The following PHACTR2 variants were observed in gnomAD, a reference collection of about 807,000 sequenced individuals.
The protein encoded by PHACTR2 is phosphatase and actin regulator 2.
A neutral mutation model predicts 76.0 loss-of-function variants in PHACTR2; 30 were observed. The ratio of observed to expected loss-of-function variants is 0.39; its 90% CI spans 0.30 to 0.54. The LOEUF (loss-of-function observed/expected upper bound fraction) is 0.54, where lower values mean the gene tolerates loss of function less well. Ranked by LOEUF, PHACTR2 falls within the 20% of genes least tolerant of loss-of-function variation. The pLI is 0.61. For synonymous variants in PHACTR2, 292 were observed against 292.5 expected (o/e 1.00, Z 0.02); for missense variants, 696 against 781.1 (o/e 0.89, Z 1.30).
At chr6:143,631,110 T>C (rs1427854147) in intron 1 of PHACTR2, among the ~76,000 whole-genome samples, 1 of 152,240 alleles carries the variant, frequency 6.6e-6, no homozygotes, top group African/African-American at 2.4e-5. Flanking sequence ...AGGAGTTTTA[T>C]GTAGTATCTA....
At position 143,831,045 on chromosome 6, in the gene PHACTR2, TTCCAGTATTTTTTTTAACTTGCTA is replaced by T. The variant is rs1331743841; in HGVS notation, c.*7359_*7382del. The T allele has an allele frequency of 6.6e-6, 1 of 152,210 alleles. No homozygotes were observed. Among genetic ancestry groups the T allele is most frequent in the African/African-American group, 2.4e-5 (1 of 41,456 alleles). The allele number at this position is 152,210 out of a possible 1,614,324, so 9.4% of individuals were successfully genotyped here. A position where few individuals can be genotyped will look rare whatever the true frequency, so the allele number is the denominator to read the frequency against. On this transcript the variant is annotated 3_prime_UTR_variant, in exon 13 of 13. Coordinates refer to ENST00000440869, the MANE Select transcript of PHACTR2 (RefSeq NM_001100164.2). The surrounding 1 kb of genome is among the most constrained non-coding windows in gnomAD (Gnocchi z 5.2). ...AAGAATTACTGCTCTTAAAAGAAACTTCCAGTATTTTTTTTAACTTGCTATCTTTTTATGTCTGAGGTATTTGAT... is the reference window on the plus strand; with the variant it reads ...AAGAATTACTGCTCTTAAAAGAAACTTCTTTTTATGTCTGAGGTATTTGAT...
In PHACTR2 at chr6:143,626,536, C is replaced by CAA. The variant is rs35107482; in HGVS notation, c.13+18228_13+18229dup. On this transcript the variant is annotated intron_variant, in intron 1 of 11. Transcript: ENST00000305766. Reference sequence around the variant, plus strand: ...TGGGCAGCAGAGCGAGACTCCGTCTCAAAAAAAAAAAAAAATTAGCACAAA... The same window carrying CAA: ...TGGGCAGCAGAGCGAGACTCCGTCTCAAAAAAAAAAAAAAAAATTAGCACAAA... Among the ~76,000 whole-genome samples the CAA allele has an allele frequency of 2.0e-4, 25 of 122,300 alleles. 3 individuals carry two copies. The highest frequency in any genetic ancestry group is 4.2e-4 in the Admixed American group (5 of 11,892). 80.2% of individuals were successfully genotyped at this position (122,300 alleles called of 152,430 possible).
chr6:143,572,725 G>A (rs1423781838), intron 1 of PHACTR2, among the ~76,000 whole-genome samples: 5 of 152,100 alleles, frequency 3.3e-5, no homozygotes, highest in Non-Finnish European at 7.4e-5. Context: ...GCTAATTTTT[G>A]TATTTTTGGT....
At chr6:143,588,012 C>CTAAAATAAAATAAAATAAAA (rs56155115) in intron 1 of PHACTR2, among the ~76,000 whole-genome samples, 17,880 of 137,460 alleles carry the variant, frequency 0.13, 1,630 homozygotes, top group Non-Finnish European at 0.18. Context: ...AACTCTGTCT[C>CTAAAATAAAATAAAATAAAA]TAAAATAAAA....
rs1562268822 is a variant in PHACTR2 at position 143,683,791 on chromosome 6, G to T, written c.46+5582G>T. On this transcript the variant is annotated intron_variant, in intron 1 of 12. Coordinates refer to ENST00000440869, the MANE Select transcript of PHACTR2 (RefSeq NM_001100164.2). This position sits in a 1 kb window ranked among gnomAD's most constrained non-coding sequence, Gnocchi z 4.1. The stretch of plus-strand genomic sequence containing the variant: ...GAAGTCAAACATTACAAGATGGTTT[G>T]GGATAAAAATGAATTTACTCCCTCC... 6.6e-6 allele frequency among the ~76,000 whole-genome samples: 1 copy of T among 152,104 alleles called. No homozygotes were observed. The highest frequency in any genetic ancestry group is 1.5e-5 in the Non-Finnish European group (1 of 68,016).
chr6:143,625,749 A>G lies in PHACTR2; in HGVS notation c.13+17427A>G, dbSNP rs1004690087. 2.6e-5 allele frequency among the ~76,000 whole-genome samples: 4 copies of G among 152,214 alleles called. No homozygotes were observed. The highest frequency in any genetic ancestry group is 5.9e-5 in the Non-Finnish European group (4 of 68,036). ...TCAGGCACTCTTCCGGGTGCAGTGA[A>G]TGGGGCAGTGATGAGACACATGGAG... is the stretch of plus-strand genomic sequence containing the variant. On this transcript the variant is annotated intron_variant, in intron 1 of 11. Transcript: ENST00000305766. This position sits in a 1 kb window ranked among gnomAD's most constrained non-coding sequence, Gnocchi z 4.3.
Position 143,802,133 on chromosome 6 carries a change from C to T in PHACTR2, c.1846-4924C>T, listed in dbSNP as rs149072607. Among the ~76,000 whole-genome samples the T allele has an allele frequency of 3.1e-3, 479 of 152,258 alleles. 2 individuals carry two copies. The highest frequency in any genetic ancestry group is 0.011 in the African/African-American group (453 of 41,552). ...ACTTAGTTTCAGACATTTTTGTTTCCTTTTTCCTCTCTATAATTCTCATGA... is the reference window on the plus strand; with the variant it reads ...ACTTAGTTTCAGACATTTTTGTTTCTTTTTTCCTCTCTATAATTCTCATGA... On this transcript the variant is annotated intron_variant, in intron 11 of 12. Transcript: ENST00000440869.
rs574886479 is a variant in PHACTR2 at position 143,659,484 on chromosome 6, C to T, written c.13+51162C>T. 2.1e-4 allele frequency among the ~76,000 whole-genome samples: 32 copies of T among 152,276 alleles called. No individual in the cohort carries two copies. The highest frequency in any genetic ancestry group is 3.4e-3 in the Middle Eastern group (1 of 294). The stretch of plus-strand genomic sequence containing the variant: ...AAGTGCATGTGGTCACTGGGCAGCA[C>T]GCCATTCCTTGCAGAATGCCAGACT... On this transcript the variant is annotated intron_variant, in intron 1 of 11. Coordinates refer to the PHACTR2 transcript ENST00000305766. This position sits in a 1 kb window ranked among gnomAD's most constrained non-coding sequence, Gnocchi z 5.0.
rs746590441 is a variant in PHACTR2 at position 143,558,969 on chromosome 6, C to T, written c.217+21762C>T. Among the ~76,000 whole-genome samples the T allele has an allele frequency of 4.0e-5, 6 of 151,756 alleles. No homozygotes were observed. The highest frequency in any genetic ancestry group is 7.4e-5 in the Non-Finnish European group (5 of 68,026). ...GAAGGGGAGATCTGTTACAAGTGCA[C>T]TGAAAGGGTCTCTCCAGACACTTGA... On this transcript the variant is annotated intron_variant, in intron 1 of 11. Transcript: ENST00000367584. The surrounding 1 kb of genome is among the most constrained non-coding windows in gnomAD (Gnocchi z 4.7).
intron 1 of PHACTR2, among the ~76,000 whole-genome samples, chr6:143,582,827 G>A (rs1209332522): frequency 6.6e-6 from 1 of 152,138 alleles, no homozygotes; most frequent in East Asian, 1.9e-4. Flanking sequence ...AAGTAGGTAC[G>A]TGATGTATTT....
intron 1 of PHACTR2, among the ~76,000 whole-genome samples, chr6:143,706,342 C>T (rs1245766209): frequency 6.6e-6 from 1 of 152,144 alleles, no homozygotes; most frequent in Non-Finnish European, 1.5e-5. Context: ...GCTTCTAGGC[C>T]TTCTGAGAGG....
intron 1 of PHACTR2, among the ~76,000 whole-genome samples, chr6:143,538,499 G>C (rs1265723935): frequency 2.0e-5 from 3 of 152,196 alleles, no homozygotes; most frequent in Admixed American, 1.3e-4. Flanking sequence ...TAGAAATGAA[G>C]CTAGCTAGCA....
In PHACTR2 at chr6:143,558,922, C is replaced by G. The variant is rs147385696; in HGVS notation, c.217+21715C>G. Among the ~76,000 whole-genome samples the G allele has an allele frequency of 0.012, 1,887 of 152,278 alleles. 20 individuals carry two copies. Among genetic ancestry groups the G allele is most frequent in the Non-Finnish European group, 0.02 (1,359 of 68,032 alleles). ...AAATGCATGTGTATGGCTTAGGCCT[C>G]TCCCATCCCCACTCCCTGGGAGAAG... On this transcript the variant is annotated intron_variant, in intron 1 of 11. Transcript: ENST00000367584. This position sits in a 1 kb window ranked among gnomAD's most constrained non-coding sequence, Gnocchi z 4.7.
chr6:143,744,804 G>A (rs1252934578), intron 2 of PHACTR2, among the ~76,000 whole-genome samples: 2 of 152,218 alleles, frequency 1.3e-5, no homozygotes, highest in East Asian at 1.9e-4. Context: ...GTATAAGCCT[G>A]AAGTCAGGAA....
rs1777808687 is a variant in PHACTR2, at chr6:143,697,900, C to G, written c.47-14116C>G. ...TCCCTGTCCTCATGGGACTCCTAAT[C>G]TAGTGGTGAGAAGTATTATTTTTTC... On this transcript the variant is annotated intron_variant, in intron 1 of 12. Coordinates refer to ENST00000440869, the MANE Select transcript of PHACTR2 (RefSeq NM_001100164.2). The surrounding 1 kb of genome is among the most constrained non-coding windows in gnomAD (Gnocchi z 4.4). Among the ~76,000 whole-genome samples the G allele has an allele frequency of 6.6e-6, 1 of 152,148 alleles. No homozygotes were observed. The highest frequency in any genetic ancestry group is 2.1e-4 in the South Asian group (1 of 4,826).
At chr6:143,573,162 A>G (rs1314728180) in intron 1 of PHACTR2, among the ~76,000 whole-genome samples, 1 of 152,234 alleles carries the variant, frequency 6.6e-6, no homozygotes, top group African/African-American at 2.4e-5. Context: ...GTCATGTGGT[A>G]AACATCTGTT....
At chr6:143,773,530 CAA>C (rs60299258) in intron 7 of PHACTR2, among the ~76,000 whole-genome samples, 42 of 108,102 alleles carry the variant, frequency 3.9e-4, no homozygotes, top group East Asian at 1.7e-3. Context: ...TTGCATGGAG[CAA>C]AAAAAAAAAA....
intron 1 of PHACTR2, among the ~76,000 whole-genome samples, chr6:143,703,269 C>CA (rs1252518706): frequency 4.6e-5 from 7 of 151,364 alleles, no homozygotes; most frequent in Non-Finnish European, 1.0e-4. Flanking sequence ...TTGGAAGAAG[C>CA]ATAAGGAGGA....
chr6:143,735,303 TGGAAA>T (rs1464416118), intron 2 of PHACTR2, among the ~76,000 whole-genome samples: 1 of 152,202 alleles, frequency 6.6e-6, no homozygotes, highest in Non-Finnish European at 1.5e-5. Context: ...AAAACATGAT[TGGAAA>T]GAAGACTAGA....
Sources: gnomAD v4.1 joint callset for allele counts (sites outside exome capture counted in the v4.1 genomes callset) on GRCh38, gnomAD v4.1.1 for gene constraint, Gnocchi (gnomAD v3.1) non-coding constraint, MANE v1.5 for transcripts, NCBI Gene and HGNC (gene_info 2026-07-23, HGNC 2026-07-21) for gene names.